CFLAR: variants seen among roughly 807,000 people sequenced by gnomAD.
CFLAR encodes CASP8 and FADD-like apoptosis regulator.
Under a neutral mutation model 51.1 loss-of-function variants are expected in CFLAR, and 14 were observed. That is an observed-to-expected ratio of 0.27 (90% CI 0.18 to 0.43). CFLAR has a LOEUF of 0.43. Among genes scored for constraint, CFLAR ranks in the 20% least tolerant of loss-of-function variants. The pLI is 1.00. For synonymous variants in CFLAR, 210 were observed against 211.6 expected, an observed-to-expected ratio of 0.99 and a Z score of 0.06; for missense variants, 390 against 566.5, an observed-to-expected ratio of 0.69 and a Z score of 3.16.
chr2:201,154,935 T>C (rs767348114), intron 8 of CFLAR, among the ~76,000 whole-genome samples: 6 of 152,380 alleles, frequency 3.9e-5, no homozygotes, highest in Non-Finnish European at 4.4e-5. Flanking sequence ...CTTTGGTAGT[T>C]CTTTCTTGAG....
At position 201,124,497 on chromosome 2, in the gene CFLAR, G is replaced by C. The variant is rs1364031950; in HGVS notation, c.-137-5232G>C. Among the ~76,000 whole-genome samples the C allele has an allele frequency of 2.6e-5, 4 of 152,122 alleles. No individual in the cohort carries two copies. The highest frequency in any genetic ancestry group is 6.6e-5 in the Admixed American group (1 of 15,266). Reference sequence around the variant, plus strand: ...TTACAGACATGCAGCACCACGGCCAGCTAGTTTTTGTATTTTTAGTAGAGA... The same window carrying C: ...TTACAGACATGCAGCACCACGGCCACCTAGTTTTTGTATTTTTAGTAGAGA... On this transcript the variant is annotated intron_variant, in intron 1 of 9. Transcript: ENST00000309955. This position sits in a 1 kb window ranked among gnomAD's most constrained non-coding sequence, Gnocchi z 4.7.
At chr2:201,162,226 C>T (rs750869431) in intron 9 of CFLAR, among the ~76,000 whole-genome samples, 2 of 152,096 alleles carry the variant, frequency 1.3e-5, no homozygotes, top group Non-Finnish European at 2.9e-5. Flanking sequence ...CCTCAGTCTC[C>T]TGAGTAGCTG....
chr2:201,138,745 G>A lies in CFLAR; in HGVS notation c.524-1612G>A. ...CCCGGTTCAAACTTCTTGACCTTCT[G>A]CACCTCACTGGCCTGGAACTCTGGG... On this transcript the variant is annotated intron_variant, in intron 4 of 9. Transcript: ENST00000309955. This position sits in a 1 kb window ranked among gnomAD's most constrained non-coding sequence, Gnocchi z 4.0. 1.3e-6 allele frequency: 1 copy of A among 775,530 alleles called. No homozygotes were observed. 48.0% of individuals were successfully genotyped at this position (775,530 alleles called of 1,614,324 possible).
At chr2:201,129,036 G>A (rs535369050) in intron 1 of CFLAR, among the ~76,000 whole-genome samples, 1 of 152,280 alleles carries the variant, frequency 6.6e-6, no homozygotes, top group Non-Finnish European at 1.5e-5. Flanking sequence ...GAGAGTCAGG[G>A]CCTCTGGCAC....
rs540413239 is a variant in CFLAR at position 201,138,796 on chromosome 2, T to C, written c.524-1561T>C. 2 of 760,272 alleles carry C rather than the reference T, an allele frequency of 2.6e-6. No homozygotes were observed. The highest frequency in any genetic ancestry group is 4.8e-6 in the Non-Finnish European group (2 of 413,430). The allele number at this position is 760,272 out of a possible 1,614,324, so 47.1% of individuals were successfully genotyped here. The stretch of plus-strand genomic sequence containing the variant: ...GTGCAGTTGTGGTGAATGAAACCAG[T>C]ACCTCCCATCAGAGCCATCACGATG... On this transcript the variant is annotated intron_variant, in intron 4 of 9. Transcript: ENST00000309955. This position sits in a 1 kb window ranked among gnomAD's most constrained non-coding sequence, Gnocchi z 4.0.
At chr2:201,150,785 G>T (rs1006886974) in intron 8 of CFLAR, among the ~76,000 whole-genome samples, 1 of 152,190 alleles carries the variant, frequency 6.6e-6, no homozygotes, top group African/African-American at 2.4e-5. Context: ...ACTCAGTCAT[G>T]TGGCTCCATC....
intron 4 of CFLAR, chr2:201,140,013 T>A: frequency 3.2e-6 from 1 of 308,472 alleles, no homozygotes; most frequent in Non-Finnish European, 6.6e-6. Context: ...CTGCTGCTGA[T>A]AGGTAGTCCC....
intron 1 of CFLAR, chr2:201,129,335 G>GCTGT (rs2049015932): frequency 6.2e-6 from 1 of 160,744 alleles, no homozygotes; most frequent in Middle Eastern, 3.0e-3. Flanking sequence ...ATTTAGTCAG[G>GCTGT]CTGTCTGTCG....
chr2:201,140,299 G>A (rs1317825814), intron 4 of CFLAR, 58 bp from the exon 5 acceptor site: 9 of 1,581,254 alleles, frequency 5.7e-6, no homozygotes, highest in Non-Finnish European at 7.8e-6. Flanking sequence ...CACTATTGAA[G>A]ATTTATTTGA....
intron 2 of CFLAR, among the ~76,000 whole-genome samples, chr2:201,131,087 G>A (rs2049263301): frequency 1.3e-5 from 2 of 152,190 alleles, no homozygotes; most frequent in Admixed American, 1.3e-4. Flanking sequence ...AGAGGAAATG[G>A]CCACTGGAGT....
intron 5 of CFLAR, 53 bp from the exon 6 acceptor site, chr2:201,145,325 T>C: frequency 1.9e-6 from 2 of 1,040,922 alleles, no homozygotes; most frequent in Admixed American, 1.8e-5. Flanking sequence ...TAATGTATAG[T>C]GTACCTCTGA....
Position 201,174,524 on chromosome 2 carries a change from C to T in CFLAR, c.*10551C>T, listed in dbSNP as rs1383330448. The T allele has an allele frequency of 6.6e-6, 1 of 152,090 alleles. No homozygotes were observed. The highest frequency in any genetic ancestry group is 1.5e-5 in the Non-Finnish European group (1 of 68,056). 9.4% of individuals were successfully genotyped at this position (152,090 alleles called of 1,614,324 possible). A position where few individuals can be genotyped will look rare whatever the true frequency, so the allele number is the denominator to read the frequency against. ...AGTTTTGGAATCCAGAAATGTAGTCCTCTAACTTTGTTGTTGTTGTTGTTC... is the reference window on the plus strand; with the variant it reads ...AGTTTTGGAATCCAGAAATGTAGTCTTCTAACTTTGTTGTTGTTGTTGTTC... On this transcript the variant is annotated 3_prime_UTR_variant, in exon 10 of 10. Transcript: ENST00000309955.
In CFLAR at chr2:201,129,740, TG is replaced by T; in HGVS notation, c.-124del. On this transcript the variant is annotated 5_prime_UTR_variant, in exon 2 of 10. Transcript: ENST00000309955. ...CCTTTTAACCACAGAACTCCCCCAC[TG>T]GAAAGGATTCTGAAAGAAATGAAGT... 1 of 893,102 alleles carries T rather than the reference TG, an allele frequency of 1.1e-6. No individual in the cohort carries two copies. The highest frequency in any genetic ancestry group is 1.7e-6 in the Non-Finnish European group (1 of 574,330). The allele number at this position is 893,102 out of a possible 1,614,324, so 55.3% of individuals were successfully genotyped here.
intron 8 of CFLAR, among the ~76,000 whole-genome samples, chr2:201,158,558 T>C (rs1465846080): frequency 6.6e-6 from 1 of 152,078 alleles, no homozygotes; most frequent in African/African-American, 2.4e-5. Context: ...ATTAGAGACG[T>C]GTGAGTCCTT....
At chr2:201,158,996 G>C (rs7585589) in intron 8 of CFLAR, among the ~76,000 whole-genome samples, 70,296 of 151,018 alleles carry the variant, frequency 0.47, 16,626 homozygotes, top group Non-Finnish European at 0.51. Flanking sequence ...TCCTGTCTCA[G>C]CCTCCCTAGT....
intron 5 of CFLAR, among the ~76,000 whole-genome samples, chr2:201,141,038 C>G (rs373297423): frequency 6.6e-6 from 1 of 152,072 alleles, no homozygotes; most frequent in Non-Finnish European, 1.5e-5. Context: ...CGAGACTGGC[C>G]TGGCCAACAT....
intron 5 of CFLAR, chr2:201,142,600 A>G (rs2125793704): frequency 6.6e-6 from 1 of 152,278 alleles, no homozygotes; most frequent in Middle Eastern, 3.4e-3. Context: ...ATCTTAGAGC[A>G]TACTTTTTGT....
intron 8 of CFLAR, among the ~76,000 whole-genome samples, chr2:201,159,600 G>A (rs1436140750): frequency 6.6e-6 from 1 of 152,120 alleles, no homozygotes; most frequent in Non-Finnish European, 1.5e-5. Flanking sequence ...GAGCCACTGC[G>A]CCCAGCCAAT....
At position 201,128,284 on chromosome 2, in the gene CFLAR, G is replaced by A. The variant is rs577948361; in HGVS notation, c.-137-1445G>A. Among the ~76,000 whole-genome samples the A allele has an allele frequency of 5.3e-5, 8 of 152,248 alleles. No individual in the cohort carries two copies. In the South Asian group the frequency reaches 1.7e-3, roughly 32 times the overall value. The stretch of plus-strand genomic sequence containing the variant: ...AAAGCACTGTTGGCCTGCGAGTGGA[G>A]TATAGATTTGGGCTGTCCAGAACAC... On this transcript the variant is annotated intron_variant, in intron 1 of 9. Coordinates refer to ENST00000309955, the MANE Select transcript of CFLAR (RefSeq NM_003879.7).
Sources: gnomAD v4.1 joint callset for allele counts (sites outside exome capture counted in the v4.1 genomes callset) on GRCh38, gnomAD v4.1.1 for gene constraint, Gnocchi (gnomAD v3.1) non-coding constraint, MANE v1.5 for transcripts, NCBI Gene and HGNC (gene_info 2026-07-23, HGNC 2026-07-21) for gene names.